The following DLGAP4 variants were observed in gnomAD, a reference collection of about 807,000 sequenced individuals.
DLGAP4 encodes the protein disks large-associated protein 4.
DLGAP4 carries 18 observed loss-of-function variants against 86.9 expected under a neutral mutation model. The observed-to-expected ratio is 0.21, with a 90% CI of 0.14 to 0.31. DLGAP4 has a LOEUF of 0.31. Among genes scored for constraint, DLGAP4 ranks in the 10% least tolerant of loss-of-function variants. The probability of loss-of-function intolerance (pLI) is 1.00; values close to 1 mark genes in which losing one functional copy is unlikely to be tolerated. For synonymous variants in DLGAP4, 548 were observed against 574.3 expected (o/e 0.95, Z 0.65); for missense variants, 1,085 against 1,362.6 (o/e 0.80, Z 3.21).
At chr20:36,488,148 CA>C (rs1190534389) in intron 7 of DLGAP4, among the ~76,000 whole-genome samples, 2 of 146,826 alleles carry the variant, frequency 1.4e-5, no homozygotes, top group African/African-American at 2.5e-5. Flanking sequence ...TGCAGTAAGC[CA>C]AGATTGCTCC....
intron 7 of DLGAP4, among the ~76,000 whole-genome samples, chr20:36,476,144 C>A (rs779440517): frequency 6.6e-6 from 1 of 151,840 alleles, no homozygotes; most frequent in African/African-American, 2.4e-5. Flanking sequence ...CACACGCGCC[C>A]GGCCCTTCTT....
chr20:36,447,879 A>C (rs1600542919), intron 7 of DLGAP4, among the ~76,000 whole-genome samples: 2 of 103,910 alleles, frequency 1.9e-5, no homozygotes, highest in Admixed American at 2.8e-4. Context: ...GGAACATCAC[A>C]CACCAGGGCC....
intron 11 of DLGAP4, 193 bp from the exon 12 acceptor site, chr20:36,525,658 A>T: frequency 1.5e-6 from 1 of 686,750 alleles, no homozygotes; most frequent in Non-Finnish European, 2.4e-6. Context: ...TCCCCCAAAG[A>T]TCCCCACCAC....
chr20:36,499,059 C>CTT (rs2036007303), intron 8 of DLGAP4: 1 of 609,774 alleles, frequency 1.6e-6, no homozygotes, highest in South Asian at 2.1e-5. Context: ...AGGGTTTGCC[C>CTT]TTAGTGCAGG....
intron 1 of DLGAP4, among the ~76,000 whole-genome samples, chr20:36,358,757 G>A (rs1035407051): frequency 2.6e-5 from 4 of 152,150 alleles, no homozygotes; most frequent in Admixed American, 6.5e-5. Flanking sequence ...GCAGTGAGCC[G>A]AGATGGTGCC....
chr20:36,462,226 C>T, intron 7 of DLGAP4: 8 of 1,173,156 alleles, frequency 6.8e-6, no homozygotes, highest in Non-Finnish European at 8.4e-6. Flanking sequence ...CCTCAGCTCC[C>T]TGACTTCAGG....
At chr20:36,377,570 T>C (rs1207252739) in intron 2 of DLGAP4, among the ~76,000 whole-genome samples, 1 of 152,230 alleles carries the variant, frequency 6.6e-6, no homozygotes, top group Non-Finnish European at 1.5e-5. Context: ...TCTGAGAGCC[T>C]CAGGCGCCTC....
chr20:36,361,247 T>A (rs1410003776), intron 1 of DLGAP4, among the ~76,000 whole-genome samples: 1 of 152,190 alleles, frequency 6.6e-6, no homozygotes, highest in Non-Finnish European at 1.5e-5. Context: ...TTAAAAAAAC[T>A]ATTTTTCCAT....
intron 7 of DLGAP4, among the ~76,000 whole-genome samples, chr20:36,467,008 T>TC (rs1569509542): frequency 1.4e-5 from 2 of 138,688 alleles, no homozygotes; most frequent in African/African-American, 5.7e-5. Flanking sequence ...TCTCTCTCTC[T>TC]CTCTCTCTCC....
chr20:36,430,858 G>A (rs1185754887), intron 2 of DLGAP4, among the ~76,000 whole-genome samples: 2 of 151,288 alleles, frequency 1.3e-5, no homozygotes, highest in Non-Finnish European at 2.9e-5. Context: ...GGCAGGCTGA[G>A]GCAGGAGAAT....
At chr20:36,492,237 C>T (rs1205887225) in intron 7 of DLGAP4, 3 of 152,226 alleles carry the variant, frequency 2.0e-5, no homozygotes, top group Admixed American at 6.6e-5. Context: ...GTCCCATCTC[C>T]CTGCTTCAGG....
At chr20:36,383,139 CA>C (rs2031465286) in intron 2 of DLGAP4, among the ~76,000 whole-genome samples, 1 of 152,314 alleles carries the variant, frequency 6.6e-6, no homozygotes, top group Non-Finnish European at 1.5e-5. Flanking sequence ...GCTTTAGAAG[CA>C]CAGAGTTGCT....
chr20:36,338,504 G>A (rs782065984), intron 1 of DLGAP4, among the ~76,000 whole-genome samples: 12 of 152,186 alleles, frequency 7.9e-5, no homozygotes, highest in African/African-American at 2.7e-4. Context: ...CCCGGGAGGC[G>A]GAGGTTGCAG....
intron 8 of DLGAP4, chr20:36,497,401 C>G (rs1600654948): frequency 3.4e-6 from 4 of 1,159,540 alleles, no homozygotes; most frequent in Non-Finnish European, 4.3e-6. Flanking sequence ...GCCCTGCCAG[C>G]TGACCCGTGG....
intron 11 of DLGAP4, 96 bp downstream of exon 11, chr20:36,524,437 T>TA: frequency 7.9e-6 from 8 of 1,008,232 alleles, no homozygotes; most frequent in Non-Finnish European, 1.2e-5. Flanking sequence ...CCCTCCTCTG[T>TA]AACACACACA....
Position 36,422,972 on chromosome 20 carries a change from C to T in DLGAP4, c.-72-8674C>T, listed in dbSNP as rs562894674. ...CTCCCTAAGGTGAGGATCCTGCCAC[C>T]CTAGGTGTTGGGTGGCTGAGGGCCT... On this transcript the variant is annotated intron_variant, in intron 2 of 12. Coordinates refer to ENST00000339266, the MANE Select transcript of DLGAP4 (RefSeq NM_001365621.2). Among the ~76,000 whole-genome samples the T allele has an allele frequency of 2.6e-5, 4 of 152,224 alleles. No homozygotes were observed. In the East Asian group the frequency reaches 7.7e-4, roughly 29 times the overall value.
At chr20:36,428,191 C>T (rs1405371506) in intron 2 of DLGAP4, among the ~76,000 whole-genome samples, 1 of 152,130 alleles carries the variant, frequency 6.6e-6, no homozygotes, top group East Asian at 1.9e-4. Flanking sequence ...GAGGGTTGAA[C>T]CTCTAGGACT....
At chr20:36,461,794 C>T (rs1286272137) in intron 7 of DLGAP4, 99 of 976,296 alleles carry the variant, frequency 1.0e-4, no homozygotes, top group Non-Finnish European at 1.2e-4. Context: ...GTCCAGCCGC[C>T]AGTCCTCCAG....
At chr20:36,499,334 A>T in intron 8 of DLGAP4, 1 of 1,612,244 alleles carries the variant, frequency 6.2e-7, no homozygotes. Flanking sequence ...AGGGAAAGCC[A>T]GTCATCTCCA....
Sources: allele counts gnomAD v4.1 joint callset (sites outside exome capture counted in the v4.1 genomes callset), GRCh38; gene constraint gnomAD v4.1.1; transcripts MANE v1.5; gene names NCBI Gene and HGNC (gene_info 2026-07-23, HGNC 2026-07-21).